WWOX: variants seen among roughly 807,000 people sequenced by gnomAD.
The protein encoded by WWOX is WW domain-containing oxidoreductase.
WWOX carries 69 observed loss-of-function variants against 46.2 expected under a neutral mutation model. The ratio of observed to expected loss-of-function variants is 1.49; its 90% CI spans 1.23 to 1.82. The LOEUF (loss-of-function observed/expected upper bound fraction) is 1.82. WWOX is among the 40% of genes most tolerant of loss of function. The probability of loss-of-function intolerance (pLI) is 0.00; values close to 1 mark genes in which losing one functional copy is unlikely to be tolerated. For missense variants in WWOX, 919 were observed against 542.6 expected, an observed-to-expected ratio of 1.69 and a Z score of -6.89; for synonymous variants, 359 against 202.6, an observed-to-expected ratio of 1.77 and a Z score of -6.56.
At chr16:79,160,562 G>T (rs1035096860) in intron 8 of WWOX, among the ~76,000 whole-genome samples, 2 of 152,210 alleles carry the variant, frequency 1.3e-5, no homozygotes, top group African/African-American at 4.8e-5. Context: ...CTGAGGTGAA[G>T]TGGAGGCATT....
At chr16:79,004,218 A>ATT (rs2047149036) in intron 8 of WWOX, 1 of 152,208 alleles carries the variant, frequency 6.6e-6, no homozygotes, top group South Asian at 2.1e-4. Context: ...GCACCTTCAG[A>ATT]ACCACATCTA....
At chr16:78,724,737 C>G (rs1280650653) in intron 8 of WWOX, among the ~76,000 whole-genome samples, 2 of 152,094 alleles carry the variant, frequency 1.3e-5, no homozygotes, top group East Asian at 1.9e-4. Context: ...TAAATATTAA[C>G]CATCTCCTGA....
intron 8 of WWOX, among the ~76,000 whole-genome samples, chr16:78,626,284 C>A (rs180741887): frequency 6.6e-6 from 1 of 152,208 alleles, no homozygotes; most frequent in East Asian, 1.9e-4. Flanking sequence ...GCATGCGCCA[C>A]CACGCTCAGC....
intron 8 of WWOX, among the ~76,000 whole-genome samples, chr16:78,657,616 C>G (rs904890695): frequency 6.6e-6 from 1 of 152,174 alleles, no homozygotes; most frequent in Non-Finnish European, 1.5e-5. Flanking sequence ...TTGTTTCTTG[C>G]AGTCAGGTTC....
intron 8 of WWOX, among the ~76,000 whole-genome samples, chr16:78,969,544 G>T (rs2046430136): frequency 6.6e-6 from 1 of 152,106 alleles, no homozygotes; most frequent in Non-Finnish European, 1.5e-5. Context: ...GTGCTGGGAT[G>T]ACAGGTGTGA....
chr16:78,856,915 C>T (rs1567607244), intron 8 of WWOX, among the ~76,000 whole-genome samples: 1 of 152,196 alleles, frequency 6.6e-6, no homozygotes, highest in Admixed American at 6.5e-5. Context: ...ACCTGCCATA[C>T]TCCTAGGCTA....
chr16:78,973,736 A>T (rs774455775), intron 8 of WWOX, among the ~76,000 whole-genome samples: 1 of 152,180 alleles, frequency 6.6e-6, no homozygotes, highest in Non-Finnish European at 1.5e-5. Flanking sequence ...CCCAGAGAAA[A>T]AGTAAATGAA....
intron 8 of WWOX, among the ~76,000 whole-genome samples, chr16:78,816,410 G>T (rs567864820): frequency 6.8e-6 from 1 of 146,322 alleles, no homozygotes; most frequent in Non-Finnish European, 1.5e-5. Flanking sequence ...TTGCAAGTGT[G>T]TTTAATGTGA....
chr16:78,463,552 C>G (rs2084003747), intron 8 of WWOX, among the ~76,000 whole-genome samples: 1 of 152,146 alleles, frequency 6.6e-6, no homozygotes, highest in Non-Finnish European at 1.5e-5. Flanking sequence ...TAGGATATGG[C>G]TTATCAGGAT....
intron 8 of WWOX, among the ~76,000 whole-genome samples, chr16:78,621,349 C>T (rs1243826275): frequency 6.6e-6 from 1 of 152,116 alleles, no homozygotes; most frequent in Non-Finnish European, 1.5e-5. Context: ...CCCAGTTCCT[C>T]CTAGTGGGCA....
chr16:79,199,538 G>C (rs1215704389), intron 8 of WWOX, among the ~76,000 whole-genome samples: 2 of 152,190 alleles, frequency 1.3e-5, no homozygotes, highest in African/African-American at 4.8e-5. Context: ...GTCATTTACT[G>C]ACTTGAGCCT....
chr16:78,333,271 A>T (rs1323556991), intron 5 of WWOX, among the ~76,000 whole-genome samples: 3 of 151,262 alleles, frequency 2.0e-5, no homozygotes, highest in Non-Finnish European at 4.4e-5. Flanking sequence ...GCTTGTCTCA[A>T]CCCCTGAGCT....
At chr16:78,640,895 T>C (rs973015132) in intron 8 of WWOX, among the ~76,000 whole-genome samples, 25 of 145,902 alleles carry the variant, frequency 1.7e-4, no homozygotes, top group Non-Finnish European at 7.4e-5. Flanking sequence ...GCCGAGATCA[T>C]GCCACTGCAC....
At chr16:78,959,936 A>G (rs916499312) in intron 8 of WWOX, among the ~76,000 whole-genome samples, 2 of 152,170 alleles carry the variant, frequency 1.3e-5, no homozygotes, top group African/African-American at 4.8e-5. Context: ...AGTAATTCTC[A>G]TTTGCAACCA....
At chr16:78,897,354 G>A (rs949617164) in intron 8 of WWOX, 15 of 148,778 alleles carry the variant, frequency 1.0e-4, no homozygotes, top group Admixed American at 6.7e-4. Flanking sequence ...CCAGAAACAA[G>A]CATTCTTGTT....
At chr16:78,266,757 G>A (rs2079369796) in intron 5 of WWOX, among the ~76,000 whole-genome samples, 1 of 146,210 alleles carries the variant, frequency 6.8e-6, no homozygotes, top group South Asian at 2.2e-4. Flanking sequence ...TATGTAATAA[G>A]TGCTTGATAA....
At chr16:78,399,947 C>T (rs557916859) in intron 6 of WWOX, among the ~76,000 whole-genome samples, 16 of 152,246 alleles carry the variant, frequency 1.1e-4, no homozygotes, top group Admixed American at 6.5e-4. Flanking sequence ...GGTGCTACAC[C>T]GTGGCAGCCT....
intron 8 of WWOX, among the ~76,000 whole-genome samples, chr16:78,704,283 A>G (rs1444818108): frequency 6.6e-6 from 1 of 152,120 alleles, no homozygotes; most frequent in African/African-American, 2.4e-5. Context: ...GGGTATCTCC[A>G]AAATTTCCTC....
intron 8 of WWOX, among the ~76,000 whole-genome samples, chr16:78,786,901 A>G (rs747884462): frequency 7.2e-5 from 11 of 152,208 alleles, no homozygotes; most frequent in African/African-American, 1.7e-4. Context: ...TAATCCCAAC[A>G]CTTTGGGAGG....
Sources: gnomAD v4.1 joint callset for allele counts (sites outside exome capture counted in the v4.1 genomes callset) on GRCh38, gnomAD v4.1.1 for gene constraint, MANE v1.5 for transcripts, NCBI Gene and HGNC (gene_info 2026-07-23, HGNC 2026-07-21) for gene names.